Variants in ESRRG observed in about 807,000 individuals in gnomAD.
ESRRG encodes the protein estrogen related receptor gamma.
ESRRG carries 13 observed loss-of-function variants against 44.0 expected under a neutral mutation model. That is an observed-to-expected ratio of 0.30 (90% CI 0.19 to 0.47). The LOEUF is 0.47. Among genes scored for constraint, ESRRG ranks in the 20% least tolerant of loss-of-function variants. The pLI is 1.00. For synonymous variants in ESRRG, 215 were observed against 214.6 expected (o/e 1.00, Z -0.02); for missense variants, 395 against 580.6 (o/e 0.68, Z 3.29).
chr1:216,873,542 C>T (rs188882801), intron 2 of ESRRG, among the ~76,000 whole-genome samples: 29 of 152,150 alleles, frequency 1.9e-4, no homozygotes, highest in Admixed American at 6.5e-4. Flanking sequence ...TTATGAGGTT[C>T]TTTTCCCAAG....
chr1:217,079,493 T>C (rs529164146), intron 1 of ESRRG, among the ~76,000 whole-genome samples: 3 of 152,200 alleles, frequency 2.0e-5, no homozygotes, highest in African/African-American at 7.2e-5. Context: ...CACTATTGTT[T>C]AGGAATAATG....
intron 1 of ESRRG, among the ~76,000 whole-genome samples, chr1:217,114,885 G>A (rs181785305): frequency 1.3e-5 from 2 of 151,918 alleles, no homozygotes; most frequent in South Asian, 2.1e-4. Flanking sequence ...GGATGGTCTC[G>A]ATCTCCTGAC....
chr1:217,046,032 T>G (rs1047465965), intron 1 of ESRRG, among the ~76,000 whole-genome samples: 1 of 151,980 alleles, frequency 6.6e-6, no homozygotes, highest in African/African-American at 2.4e-5. Flanking sequence ...TAAGAGCAAG[T>G]AGGTTGGCAT....
chr1:216,815,426 C>G (rs1388682661), intron 2 of ESRRG, among the ~76,000 whole-genome samples: 1 of 152,144 alleles, frequency 6.6e-6, no homozygotes, highest in Non-Finnish European at 1.5e-5. Flanking sequence ...GACAACACTG[C>G]CCTCTAAATT....
At chr1:216,883,859 C>G (rs1261134343) in intron 2 of ESRRG, among the ~76,000 whole-genome samples, 1 of 87,862 alleles carries the variant, frequency 1.1e-5, no homozygotes, top group Non-Finnish European at 2.3e-5. Context: ...TTATTCAAAT[C>G]TGGAAGCAAG....
chr1:216,652,050 A>T (rs1165805180), intron 2 of ESRRG, among the ~76,000 whole-genome samples: 1 of 152,070 alleles, frequency 6.6e-6, no homozygotes, highest in East Asian at 1.9e-4. Context: ...TTACTTCCTA[A>T]CCCTTTCCCC....
chr1:217,051,501 A>G (rs950840268), intron 1 of ESRRG, among the ~76,000 whole-genome samples: 1 of 152,156 alleles, frequency 6.6e-6, no homozygotes, highest in African/African-American at 2.4e-5. Context: ...ATAACTTTGC[A>G]TCTGCTGGAG....
At chr1:216,987,462 T>A (rs1371783322) in intron 1 of ESRRG, among the ~76,000 whole-genome samples, 1 of 152,216 alleles carries the variant, frequency 6.6e-6, no homozygotes, top group African/African-American at 2.4e-5. Context: ...AATGTGTGTG[T>A]ACTTTAAAGA....
intron 2 of ESRRG, among the ~76,000 whole-genome samples, chr1:216,840,180 G>A (rs935043872): frequency 1.3e-5 from 2 of 152,156 alleles, no homozygotes; most frequent in Non-Finnish European, 2.9e-5. Flanking sequence ...CTTCATCAAC[G>A]ATCCTAGCTA....
At chr1:217,135,509 C>G (rs2093036563) in intron 1 of ESRRG, among the ~76,000 whole-genome samples, 2 of 151,692 alleles carry the variant, frequency 1.3e-5, no homozygotes, top group African/African-American at 2.4e-5. Flanking sequence ...AGGCCAAGGA[C>G]TGAGCAAGGG....
At chr1:216,939,080 T>C (rs540842972) in intron 2 of ESRRG, among the ~76,000 whole-genome samples, 1 of 152,236 alleles carries the variant, frequency 6.6e-6, no homozygotes, top group South Asian at 2.1e-4. Flanking sequence ...CATGAACTTT[T>C]AGCAAGCTCA....
chr1:216,787,405 C>T (rs951465707), intron 2 of ESRRG, among the ~76,000 whole-genome samples: 2 of 151,930 alleles, frequency 1.3e-5, no homozygotes, highest in South Asian at 2.1e-4. Context: ...GAGTTCGAGA[C>T]CAGTCTGACC....
intron 1 of ESRRG, among the ~76,000 whole-genome samples, chr1:216,722,884 T>C (rs1003074690): frequency 6.6e-6 from 1 of 152,206 alleles, no homozygotes; most frequent in Non-Finnish European, 1.5e-5. Context: ...TATTGTATTT[T>C]AAAACATCTT....
intron 2 of ESRRG, among the ~76,000 whole-genome samples, chr1:216,758,260 A>C (rs2152328530): frequency 6.6e-6 from 1 of 152,194 alleles, no homozygotes; most frequent in Non-Finnish European, 1.5e-5. Flanking sequence ...CTCTCAGTTT[A>C]TCGCAAATGA....
rs141646235 is a variant in ESRRG at position 216,992,274 on chromosome 1, T to C, written c.-105-52601A>G. Reference sequence around the variant, plus strand: ...GCTTTTTGAAAGTCTTATTCACTAATGGAGAAGCCTCTTACATATTTTATA... The same window carrying C: ...GCTTTTTGAAAGTCTTATTCACTAACGGAGAAGCCTCTTACATATTTTATA... On this transcript the variant is annotated intron_variant, in intron 1 of 7. Coordinates refer to the ESRRG transcript ENST00000359162. 3.1e-4 allele frequency among the ~76,000 whole-genome samples: 47 copies of C among 152,316 alleles called. No individual in the cohort carries two copies. In the East Asian group the frequency reaches 8.7e-3, roughly 28 times the overall value.
chr1:216,878,438 C>A (rs966930957), intron 2 of ESRRG, among the ~76,000 whole-genome samples: 2 of 152,014 alleles, frequency 1.3e-5, no homozygotes, highest in African/African-American at 4.8e-5. Flanking sequence ...TTAATGTCTG[C>A]CTTAATTTAT....
intron 2 of ESRRG, among the ~76,000 whole-genome samples, chr1:216,779,199 T>C (rs868021872): frequency 5.3e-5 from 2 of 37,454 alleles, no homozygotes; most frequent in African/African-American, 9.6e-5. Flanking sequence ...ATATTTATAT[T>C]TATAAATATA....
intron 2 of ESRRG, among the ~76,000 whole-genome samples, chr1:216,770,110 G>A (rs2093318237): frequency 6.6e-6 from 1 of 151,910 alleles, no homozygotes. Flanking sequence ...ATTGAGAGAA[G>A]GAAGGAGAAG....
intron 2 of ESRRG, among the ~76,000 whole-genome samples, chr1:216,730,613 T>A (rs796450053): frequency 2.0e-5 from 3 of 152,260 alleles, no homozygotes; most frequent in African/African-American, 7.2e-5. Flanking sequence ...ACAATGAATA[T>A]GTCTTGGATG....
Sources: gnomAD v4.1 joint callset for allele counts (sites outside exome capture counted in the v4.1 genomes callset) on GRCh38, gnomAD v4.1.1 for gene constraint, MANE v1.5 for transcripts, NCBI Gene and HGNC (gene_info 2026-07-23, HGNC 2026-07-21) for gene names.